The following GALNT18 variants were observed in gnomAD, a reference collection of about 807,000 sequenced individuals.
GALNT18 encodes polypeptide N-acetylgalactosaminyltransferase 18, also known as GalNAc-transferase 18.
In GALNT18, 44 loss-of-function variants were observed where a neutral mutation model predicts 69.5. The ratio of observed to expected loss-of-function variants is 0.63; its 90% CI spans 0.50 to 0.81. The LOEUF is 0.81. GALNT18 is among the 40% of genes least tolerant of loss of function. GALNT18 has a pLI of 0.00. For missense variants in GALNT18, 715 were observed against 810.0 expected (o/e 0.88, Z 1.42); for synonymous variants, 364 against 318.2 (o/e 1.14, Z -1.53).
In GALNT18 at chr11:11,595,855, G is replaced by A. The variant is rs546133904; in HGVS notation, c.235+25504C>T. 1.4e-4 allele frequency among the ~76,000 whole-genome samples: 21 copies of A among 152,178 alleles called. No homozygotes were observed. Among genetic ancestry groups the A allele is most frequent in the African/African-American group, 4.3e-4 (18 of 41,514 alleles). On this transcript the variant is annotated intron_variant, in intron 1 of 10. Transcript: ENST00000227756. The surrounding 1 kb of genome is among the most constrained non-coding windows in gnomAD (Gnocchi z 5.2). ...GGATTATCATTTCAAGAGAATACTC[G>A]TTGAATAGTATTCTTTGATATACAA...
In GALNT18 at chr11:11,592,739, T is replaced by G. The variant is rs1489977853; in HGVS notation, c.235+28620A>C. Among the ~76,000 whole-genome samples the G allele has an allele frequency of 2.6e-5, 4 of 152,190 alleles. No individual in the cohort carries two copies. The highest frequency in any genetic ancestry group is 9.7e-5 in the African/African-American group (4 of 41,442). Reference sequence around the variant, plus strand: ...GCCAAAAAACAGGAAAGGGGCTGATTTATTAGGCAGTCTGGGGCCCATACT... The same window carrying G: ...GCCAAAAAACAGGAAAGGGGCTGATGTATTAGGCAGTCTGGGGCCCATACT... On this transcript the variant is annotated intron_variant, in intron 1 of 10. Coordinates refer to ENST00000227756, the MANE Select transcript of GALNT18 (RefSeq NM_198516.3). This position sits in a 1 kb window ranked among gnomAD's most constrained non-coding sequence, Gnocchi z 5.9.
chr11:11,273,737 G>A (rs1026805588), intron 10 of GALNT18, among the ~76,000 whole-genome samples: 7 of 152,140 alleles, frequency 4.6e-5, no homozygotes, highest in African/African-American at 1.7e-4. Flanking sequence ...AGAGATATCT[G>A]CACTCCCATG....
At chr11:11,276,744 C>G (rs952118660) in intron 10 of GALNT18, among the ~76,000 whole-genome samples, 1 of 152,114 alleles carries the variant, frequency 6.6e-6, no homozygotes, top group Non-Finnish European at 1.5e-5. Flanking sequence ...TTATGGAAGG[C>G]CTTTTCTGCA....
intron 3 of GALNT18, among the ~76,000 whole-genome samples, chr11:11,405,258 G>A (rs61870272): frequency 0.067 from 10,134 of 152,230 alleles, 455 homozygotes; most frequent in Admixed American, 0.14. Context: ...TTTCTAGGCT[G>A]TGAAGGAGAC....
At chr11:11,588,117 C>T (rs1407700950) in intron 1 of GALNT18, among the ~76,000 whole-genome samples, 2 of 152,126 alleles carry the variant, frequency 1.3e-5, no homozygotes, top group African/African-American at 2.4e-5. Flanking sequence ...CAAACCTACA[C>T]ACCCATCTGC....
At position 11,617,819 on chromosome 11, in the gene GALNT18, G is replaced by A. The variant is rs981055665; in HGVS notation, c.235+3540C>T. Among the ~76,000 whole-genome samples, 2 of 152,112 alleles carry A rather than the reference G, an allele frequency of 1.3e-5. No homozygotes were observed. Among genetic ancestry groups the A allele is most frequent in the Non-Finnish European group, 2.9e-5 (2 of 68,024 alleles). On this transcript the variant is annotated intron_variant, in intron 1 of 10. Transcript: ENST00000227756. This position sits in a 1 kb window ranked among gnomAD's most constrained non-coding sequence, Gnocchi z 4.7. ...CTGAGAACTCCTTTAGCAGATTCTT[G>A]CTTCATCCGCCTCACCGTGTCAAGC...
At chr11:11,466,025 C>T (rs576340214) in intron 1 of GALNT18, among the ~76,000 whole-genome samples, 1 of 152,304 alleles carries the variant, frequency 6.6e-6, no homozygotes, top group Admixed American at 6.5e-5. Context: ...TCAATCATAA[C>T]CTACAAAACT....
In GALNT18 at chr11:11,387,495, G is replaced by A. The variant is rs534069406; in HGVS notation, c.596-8231C>T. Among the ~76,000 whole-genome samples the A allele has an allele frequency of 4.6e-5, 7 of 152,324 alleles. No homozygotes were observed. Among genetic ancestry groups the A allele is most frequent in the African/African-American group, 1.4e-4 (6 of 41,582 alleles). Reference sequence around the variant, plus strand: ...CACTGACAAGTGCAATTAATTGCTTGTCTCCAATGGTGCTAATTTAAAGAT... The same window carrying A: ...CACTGACAAGTGCAATTAATTGCTTATCTCCAATGGTGCTAATTTAAAGAT... On this transcript the variant is annotated intron_variant, in intron 3 of 10. Transcript: ENST00000227756. This position sits in a 1 kb window ranked among gnomAD's most constrained non-coding sequence, Gnocchi z 4.6.
intron 1 of GALNT18, among the ~76,000 whole-genome samples, chr11:11,550,347 C>G (rs1858159123): frequency 6.6e-6 from 1 of 152,184 alleles, no homozygotes; most frequent in East Asian, 1.9e-4. Context: ...AAGGGGATCT[C>G]AAGGCAGTCC....
intron 1 of GALNT18, among the ~76,000 whole-genome samples, chr11:11,487,654 G>A (rs1019665308): frequency 2.0e-5 from 3 of 152,210 alleles, no homozygotes; most frequent in Non-Finnish European, 2.9e-5. Flanking sequence ...GTTTCCATAC[G>A]TTGGCTTCTA....
At chr11:11,578,300 T>C (rs1858976119) in intron 1 of GALNT18, among the ~76,000 whole-genome samples, 1 of 123,872 alleles carries the variant, frequency 8.1e-6, no homozygotes, top group Non-Finnish European at 1.6e-5. Flanking sequence ...CAGCCAGTCA[T>C]GAGAAGGAGC....
At chr11:11,279,848 GT>G (rs1446343864) in intron 10 of GALNT18, among the ~76,000 whole-genome samples, 1 of 152,156 alleles carries the variant, frequency 6.6e-6, no homozygotes, top group East Asian at 1.9e-4. Context: ...AAACCATGGA[GT>G]TGAAAGTGTG....
chr11:11,389,241 C>G lies in GALNT18; in HGVS notation c.596-9977G>C, dbSNP rs912721924. Among the ~76,000 whole-genome samples the G allele has an allele frequency of 2.0e-5, 3 of 152,222 alleles. No homozygotes were observed. The highest frequency in any genetic ancestry group is 7.2e-5 in the African/African-American group (3 of 41,470). ...TTGCCTCTGAAGACTTGGCTCTTTT[C>G]CAGTCTGTCCAGCAGCCTTCCGAAG... On this transcript the variant is annotated intron_variant, in intron 3 of 10. Coordinates refer to ENST00000227756, the MANE Select transcript of GALNT18 (RefSeq NM_198516.3). The surrounding 1 kb of genome is among the most constrained non-coding windows in gnomAD (Gnocchi z 4.3).
At chr11:11,510,013 G>C (rs763756076) in intron 1 of GALNT18, among the ~76,000 whole-genome samples, 32 of 152,156 alleles carry the variant, frequency 2.1e-4, no homozygotes, top group Non-Finnish European at 4.4e-5. Flanking sequence ...CAAGGTCCCT[G>C]GTTACAGCAT....
chr11:11,549,930 C>A (rs940466406), intron 1 of GALNT18, among the ~76,000 whole-genome samples: 1 of 152,200 alleles, frequency 6.6e-6, no homozygotes, highest in Non-Finnish European at 1.5e-5. Context: ...GGTTGATTTG[C>A]TTTCTCAAAA....
At position 11,596,668 on chromosome 11, in the gene GALNT18, G is replaced by A. The variant is rs1407396553; in HGVS notation, c.235+24691C>T. On this transcript the variant is annotated intron_variant, in intron 1 of 10. Coordinates refer to ENST00000227756, the MANE Select transcript of GALNT18 (RefSeq NM_198516.3). This position sits in a 1 kb window ranked among gnomAD's most constrained non-coding sequence, Gnocchi z 4.2. ...TTTGTTTTCAGATCGCCCACTGATA[G>A]TGATAGAAATACAATTTGTTTTTTT... 1.3e-5 allele frequency among the ~76,000 whole-genome samples: 2 copies of A among 152,072 alleles called. No individual in the cohort carries two copies. The highest frequency in any genetic ancestry group is 2.9e-5 in the Non-Finnish European group (2 of 67,994).
intron 3 of GALNT18, among the ~76,000 whole-genome samples, chr11:11,398,635 A>G (rs1335323530): frequency 1.3e-5 from 2 of 152,254 alleles, no homozygotes; most frequent in African/African-American, 2.4e-5. Flanking sequence ...AAGAAGCTCC[A>G]GTTTCCCAGC....
At chr11:11,278,616 T>C (rs547897959) in intron 10 of GALNT18, among the ~76,000 whole-genome samples, 3 of 152,118 alleles carry the variant, frequency 2.0e-5, no homozygotes, top group African/African-American at 7.2e-5. Flanking sequence ...AAGACAAATT[T>C]TGCATGTTCT....
In GALNT18 at chr11:11,332,310, C is replaced by A. The variant is rs1850029970; in HGVS notation, c.1416+384G>T. On this transcript the variant is annotated intron_variant, in intron 8 of 10. Coordinates refer to ENST00000227756, the MANE Select transcript of GALNT18 (RefSeq NM_198516.3). The surrounding 1 kb of genome is among the most constrained non-coding windows in gnomAD (Gnocchi z 4.3). Reference sequence around the variant, plus strand: ...TGCATGCGAGTGGGAGGCATTAGCTCCTTGGTCAGGGAGGCACACAGGGTG... The same window carrying A: ...TGCATGCGAGTGGGAGGCATTAGCTACTTGGTCAGGGAGGCACACAGGGTG... Among the ~76,000 whole-genome samples the A allele has an allele frequency of 6.6e-6, 1 of 152,208 alleles. No homozygotes were observed. Among genetic ancestry groups the A allele is most frequent in the South Asian group, 2.1e-4 (1 of 4,828 alleles).
Sources: gnomAD v4.1 joint callset for allele counts (sites outside exome capture counted in the v4.1 genomes callset) on GRCh38, gnomAD v4.1.1 for gene constraint, Gnocchi (gnomAD v3.1) non-coding constraint, MANE v1.5 for transcripts, NCBI Gene and HGNC (gene_info 2026-07-23, HGNC 2026-07-21) for gene names.